Variants in TMEM117 observed in about 807,000 individuals in gnomAD.
The protein encoded by TMEM117 is transmembrane protein 117.
A neutral mutation model predicts 52.4 loss-of-function variants in TMEM117; 27 were observed. That is an observed-to-expected ratio of 0.51 (90% confidence interval 0.38 to 0.71). The LOEUF (loss-of-function observed/expected upper bound fraction) is 0.71, where lower values mean the gene tolerates loss of function less well. TMEM117 is among the 30% of genes least tolerant of loss of function. The probability of loss-of-function intolerance (pLI) is 0.00; values close to 1 mark genes in which losing one functional copy is unlikely to be tolerated. For synonymous variants in TMEM117, 215 were observed against 206.3 expected (o/e 1.04, Z -0.36); for missense variants, 556 against 630.5 (o/e 0.88, Z 1.26).
chr12:44,027,385 G>T (rs1191691984), intron 3 of TMEM117, among the ~76,000 whole-genome samples: 2 of 151,858 alleles, frequency 1.3e-5, no homozygotes, highest in African/African-American at 4.8e-5. Context: ...TGTTGGCCAG[G>T]CTGGTCTTGA....
intron 4 of TMEM117, among the ~76,000 whole-genome samples, chr12:44,174,712 G>A (rs1949095092): frequency 6.6e-6 from 1 of 152,126 alleles, no homozygotes; most frequent in African/African-American, 2.4e-5. Context: ...CTTTTAGGGA[G>A]TTTACAATTT....
intron 2 of TMEM117, among the ~76,000 whole-genome samples, chr12:43,893,502 C>CT (rs142306580): frequency 6.6e-6 from 1 of 152,124 alleles, no homozygotes; most frequent in Non-Finnish European, 1.5e-5. Context: ...AAAATTCTGC[C>CT]TTTTTCAGTG....
chr12:44,356,781 A>G (rs190451791), intron 6 of TMEM117, among the ~76,000 whole-genome samples: 5 of 152,066 alleles, frequency 3.3e-5, no homozygotes. Context: ...CTATCTTTCT[A>G]CCACTGGAGT....
intron 7 of TMEM117, among the ~76,000 whole-genome samples, chr12:44,380,661 G>A (rs919027165): frequency 3.9e-5 from 6 of 152,170 alleles, no homozygotes; most frequent in Non-Finnish European, 7.3e-5. Context: ...GGGTTGTTGT[G>A]AGAATTAAAT....
At chr12:43,828,141 C>T in the TMEM117 span, among the ~76,000 whole-genome samples, 2 of 152,122 alleles carry the variant, frequency 1.3e-5, no homozygotes, top group Non-Finnish European at 2.9e-5. Context: ...TAATTTGTTA[C>T]GGCAGCCTGG....
chr12:43,869,844 A>G (rs1363490586), intron 2 of TMEM117, among the ~76,000 whole-genome samples: 1 of 152,150 alleles, frequency 6.6e-6, no homozygotes, highest in Non-Finnish European at 1.5e-5. Context: ...GGTTTGTTAC[A>G]CAGATTATCC....
At position 44,388,491 on chromosome 12, in the gene TMEM117, C is replaced by T. The variant is rs1952125287; in HGVS notation, c.1364C>T (p.Ala455Val). 2 of 1,613,386 alleles carry T rather than the reference C, an allele frequency of 1.2e-6. No homozygotes were observed. Among genetic ancestry groups the T allele is most frequent in the Admixed American group, 3.3e-5 (2 of 59,918 alleles). The stretch of plus-strand genomic sequence containing the variant: ...GGAATCACTCGAGAAAACACCCAGG[C>T]TTCAGTAGAAGACCCCTTGAATGAC... The part of the protein sequence containing the change: ...DMGITRENTQ[A>V]SVEDPLNDPS... Residue 455 changes from alanine to valine, a missense_variant, in exon 8 of 8, where the codon GCT becomes GTT. Around this residue, in one of 3 missense-constraint regions of TMEM117, gnomAD observed 206 missense variants for 211.1 expected, o/e 0.98. Coordinates refer to ENST00000266534, the MANE Select transcript of TMEM117 (RefSeq NM_032256.3).
chr12:44,195,269 G>C (rs1205007018), intron 4 of TMEM117, among the ~76,000 whole-genome samples: 1 of 152,140 alleles, frequency 6.6e-6, no homozygotes, highest in Non-Finnish European at 1.5e-5. Flanking sequence ...TTCCTTTCTG[G>C]AAATGGCCCT....
chr12:44,132,097 G>A (rs1948422804), intron 3 of TMEM117, among the ~76,000 whole-genome samples: 1 of 152,052 alleles, frequency 6.6e-6, no homozygotes, highest in African/African-American at 2.4e-5. Context: ...ATAAGAATTA[G>A]GGAGACGGAG....
chr12:43,954,834 GA>G (rs1285850941), intron 3 of TMEM117, among the ~76,000 whole-genome samples: 1 of 152,102 alleles, frequency 6.6e-6, no homozygotes, highest in Non-Finnish European at 1.5e-5. Context: ...AACAAAAAAA[GA>G]AAACTTCAGG....
intron 3 of TMEM117, among the ~76,000 whole-genome samples, chr12:44,059,881 G>C (rs2137950856): frequency 6.6e-6 from 1 of 152,274 alleles, no homozygotes; most frequent in African/African-American, 2.4e-5. Context: ...TAAAGTTAGG[G>C]ACCCAGCCTC....
At chr12:43,999,420 CATTTAA>C (rs1488868362) in intron 3 of TMEM117, among the ~76,000 whole-genome samples, 1 of 152,212 alleles carries the variant, frequency 6.6e-6, no homozygotes, top group East Asian at 1.9e-4. Flanking sequence ...AAATGTTATA[CATTTAA>C]ATAATTATGA....
chr12:43,950,142 A>G (rs150252672), intron 3 of TMEM117, among the ~76,000 whole-genome samples: 61 of 152,348 alleles, frequency 4.0e-4, no homozygotes, highest in African/African-American at 1.1e-3. Flanking sequence ...TCAGAATATG[A>G]AAGTGTTGAC....
At chr12:43,902,801 C>A (rs764245833) in intron 2 of TMEM117, among the ~76,000 whole-genome samples, 1 of 151,902 alleles carries the variant, frequency 6.6e-6, no homozygotes, top group Non-Finnish European at 1.5e-5. Flanking sequence ...TAGTTACTTG[C>A]ATATTAGTAA....
chr12:43,826,225 G>C, the TMEM117 span, among the ~76,000 whole-genome samples: 1 of 152,190 alleles, frequency 6.6e-6, no homozygotes, highest in Non-Finnish European at 1.5e-5. Context: ...CTTTCTAAGG[G>C]TAATCCAATT....
chr12:44,147,344 C>G (rs1948657821), intron 4 of TMEM117, among the ~76,000 whole-genome samples: 1 of 152,048 alleles, frequency 6.6e-6, no homozygotes, highest in Non-Finnish European at 1.5e-5. Flanking sequence ...ATCACATTAC[C>G]CCAGTTTTGC....
chr12:43,952,190 A>T (rs907145906), intron 3 of TMEM117, among the ~76,000 whole-genome samples: 6 of 152,094 alleles, frequency 3.9e-5, no homozygotes, highest in East Asian at 1.9e-4. Context: ...GGAAAAACCA[A>T]TGCAAAAATG....
chr12:43,892,146 TTTATTATGGAGAAAGAATCTAAA>T (rs1007939257), intron 2 of TMEM117, among the ~76,000 whole-genome samples: 31 of 152,246 alleles, frequency 2.0e-4, no homozygotes, highest in African/African-American at 7.5e-4. Context: ...ATGGCTGGGA[TTTATTATGGAGAAAGAATCTAAA>T]AGAAAGTCAA....
At chr12:43,992,365 C>T (rs1439062849) in intron 3 of TMEM117, among the ~76,000 whole-genome samples, 3 of 152,122 alleles carry the variant, frequency 2.0e-5, no homozygotes, top group South Asian at 4.2e-4. Context: ...ATTTCCCAGG[C>T]TCAAGTGATC....
Sources: gnomAD v4.1 joint callset for allele counts (sites outside exome capture counted in the v4.1 genomes callset) on GRCh38, gnomAD v4.1.1 for gene constraint, gnomAD v4.1.1 regional missense constraint, MANE v1.5 for transcripts, NCBI Gene and HGNC (gene_info 2026-07-23, HGNC 2026-07-21) for gene names.